Variants in LYPD6 observed in about 807,000 individuals in gnomAD.
LYPD6 encodes ly6/PLAUR domain-containing protein 6.
Under a neutral mutation model 22.7 loss-of-function variants are expected in LYPD6, and 15 were observed. That is an observed-to-expected ratio of 0.66 (90% CI 0.44 to 1.02). The LOEUF (loss-of-function observed/expected upper bound fraction) is 1.02, where lower values mean the gene tolerates loss of function less well. Ranked by LOEUF, LYPD6 falls within the 50% of genes least tolerant of loss-of-function variation. The probability of loss-of-function intolerance (pLI) is 0.00; values close to 1 mark genes in which losing one functional copy is unlikely to be tolerated. For synonymous variants in LYPD6, 72 were observed against 77.5 expected (o/e 0.93, Z 0.37); for missense variants, 189 against 208.4 (o/e 0.91, Z 0.57).
intron 1 of LYPD6, among the ~76,000 whole-genome samples, chr2:149,397,175 T>G (rs931398964): frequency 1.1e-4 from 17 of 152,162 alleles, no homozygotes; most frequent in Non-Finnish European, 4.4e-5. Context: ...GTGACAACTA[T>G]GTATTATTAT....
chr2:149,417,203 T>G (rs568608490), intron 1 of LYPD6, among the ~76,000 whole-genome samples: 72 of 152,316 alleles, frequency 4.7e-4, no homozygotes, highest in Non-Finnish European at 9.4e-4. Flanking sequence ...AAAAGGGCTT[T>G]ACTCTTCTAC....
intron 1 of LYPD6, among the ~76,000 whole-genome samples, chr2:149,359,367 C>G (rs2105066341): frequency 6.6e-6 from 1 of 152,322 alleles, no homozygotes; most frequent in African/African-American, 2.4e-5. Context: ...TTAGCTTCTC[C>G]TTTTAAACTT....
chr2:149,398,812 AGAG>A (rs1276448534), intron 1 of LYPD6, among the ~76,000 whole-genome samples: 1 of 152,228 alleles, frequency 6.6e-6, no homozygotes, highest in Non-Finnish European at 1.5e-5. Context: ...CAGAATGGAT[AGAG>A]GAGAAGGTTT....
chr2:149,418,494 T>G (rs1489972844), intron 1 of LYPD6, among the ~76,000 whole-genome samples: 1 of 152,248 alleles, frequency 6.6e-6, no homozygotes, highest in Non-Finnish European at 1.5e-5. Flanking sequence ...ACCTACATTT[T>G]GATCTGTATT....
At chr2:149,448,638 G>A (rs2105161920) in intron 2 of LYPD6, among the ~76,000 whole-genome samples, 1 of 151,978 alleles carries the variant, frequency 6.6e-6, no homozygotes, top group South Asian at 2.1e-4. Context: ...ATAACGTTTT[G>A]GGATGGGCTT....
At chr2:149,370,785 C>T (rs550606145) in intron 1 of LYPD6, among the ~76,000 whole-genome samples, 2 of 152,218 alleles carry the variant, frequency 1.3e-5, no homozygotes, top group South Asian at 4.2e-4. Flanking sequence ...CAGTGAGACC[C>T]TGTCCCTACA....
intron 1 of LYPD6, among the ~76,000 whole-genome samples, chr2:149,366,471 T>C (rs1681668429): frequency 6.6e-6 from 1 of 152,150 alleles, no homozygotes; most frequent in Non-Finnish European, 1.5e-5. Flanking sequence ...AGGTAGCTTC[T>C]GTTTGTTTTT....
chr2:149,404,905 C>A (rs1316454721), intron 1 of LYPD6, among the ~76,000 whole-genome samples: 2 of 152,054 alleles, frequency 1.3e-5, no homozygotes, highest in African/African-American at 4.8e-5. Context: ...TGAGATACAT[C>A]CCATCAATAC....
At chr2:149,409,211 T>G (rs1350860452) in intron 1 of LYPD6, among the ~76,000 whole-genome samples, 1 of 152,190 alleles carries the variant, frequency 6.6e-6, no homozygotes, top group Non-Finnish European at 1.5e-5. Context: ...GCTACCAGGC[T>G]CCGGGCTGGT....
chr2:149,419,916 A>G (rs1683044047), intron 1 of LYPD6, among the ~76,000 whole-genome samples: 1 of 152,104 alleles, frequency 6.6e-6, no homozygotes, highest in Non-Finnish European at 1.5e-5. Context: ...CAGAAATTGT[A>G]TGGTTTTGAT....
intron 3 of LYPD6, among the ~76,000 whole-genome samples, chr2:149,458,165 C>G (rs1021145260): frequency 6.6e-6 from 1 of 152,178 alleles, no homozygotes; most frequent in Non-Finnish European, 1.5e-5. Context: ...ATGTCCCAAC[C>G]TTTCTGCTTG....
intron 1 of LYPD6, among the ~76,000 whole-genome samples, chr2:149,379,319 C>A (rs994304485): frequency 7.2e-5 from 11 of 152,284 alleles, no homozygotes; most frequent in Admixed American, 5.9e-4. Context: ...ATCTGTGCAT[C>A]AACACCTGCC....
chr2:149,402,774 C>T (rs1441786262), intron 1 of LYPD6, among the ~76,000 whole-genome samples: 1 of 151,864 alleles, frequency 6.6e-6, no homozygotes, highest in East Asian at 1.9e-4. Flanking sequence ...TACATGTGCA[C>T]AACGTGCAGG....
chr2:149,441,138 G>A (rs546251087), intron 2 of LYPD6, among the ~76,000 whole-genome samples: 37 of 152,232 alleles, frequency 2.4e-4, no homozygotes, highest in Non-Finnish European at 4.1e-4. Context: ...ACCATATTAA[G>A]CTGTAGTCTC....
At chr2:149,475,628 C>G (rs1681437759), downstream of LYPD6, among the ~76,000 whole-genome samples, 1 of 152,232 alleles carries the variant, frequency 6.6e-6, no homozygotes, top group East Asian at 1.9e-4. Flanking sequence ...AACTCCATTG[C>G]AATTGCTGGA....
chr2:149,405,456 G>T (rs1682679086), intron 1 of LYPD6, among the ~76,000 whole-genome samples: 1 of 152,186 alleles, frequency 6.6e-6, no homozygotes, highest in Non-Finnish European at 1.5e-5. Context: ...TCCTGGTTTA[G>T]TCTTGGGAGG....
chr2:149,422,255 C>T (rs1046270015), intron 1 of LYPD6, among the ~76,000 whole-genome samples: 2 of 152,174 alleles, frequency 1.3e-5, no homozygotes, highest in African/African-American at 4.8e-5. Context: ...CCCTATTTTG[C>T]AATTGAGGAA....
downstream of LYPD6, among the ~76,000 whole-genome samples, chr2:149,477,185 G>A (rs1312353817): frequency 6.6e-6 from 1 of 152,148 alleles, no homozygotes; most frequent in Non-Finnish European, 1.5e-5. Flanking sequence ...TAATAACCTT[G>A]TGTATGTTTT....
intron 4 of LYPD6, among the ~76,000 whole-genome samples, chr2:149,470,209 A>C (rs1347050830): frequency 6.6e-6 from 1 of 152,232 alleles, no homozygotes; most frequent in East Asian, 1.9e-4. Context: ...ATGAGAATGG[A>C]GACACTTATG....
Sources: gnomAD v4.1 joint callset for allele counts (sites outside exome capture counted in the v4.1 genomes callset) on GRCh38, gnomAD v4.1.1 for gene constraint, MANE v1.5 for transcripts, NCBI Gene and HGNC (gene_info 2026-07-23, HGNC 2026-07-21) for gene names.